The following OXR1 variants were observed in gnomAD, a reference collection of about 807,000 sequenced individuals.
The protein encoded by OXR1 is oxidation resistance protein 1.
In OXR1, 41 loss-of-function variants were observed where a neutral mutation model predicts 104.6. The ratio of observed to expected loss-of-function variants is 0.39; its 90% CI spans 0.31 to 0.51. The LOEUF (loss-of-function observed/expected upper bound fraction) is 0.51. OXR1 is among the 20% of genes least tolerant of loss of function. The pLI is 0.77. For synonymous variants in OXR1, 348 were observed against 348.4 expected, an observed-to-expected ratio of 1.00 and a Z score of 0.01; for missense variants, 955 against 1,031.9, an observed-to-expected ratio of 0.93 and a Z score of 1.02.
In OXR1 at chr8:106,391,587, T is replaced by C. The variant is rs191090026; in HGVS notation, c.23+31951T>C. On this transcript the variant is annotated intron_variant, in intron 2 of 16. Transcript: ENST00000517566. Reference sequence around the variant, plus strand: ...ATTTCAAGTCTGTGTCCCTTTAGTTTTTTTATATACCACAACAAATGTTTT... The same window carrying C: ...ATTTCAAGTCTGTGTCCCTTTAGTTCTTTTATATACCACAACAAATGTTTT... 2.4e-4 allele frequency among the ~76,000 whole-genome samples: 37 copies of C among 152,298 alleles called. 1 individual carries two copies. Among genetic ancestry groups the C allele is most frequent in the Admixed American group, 2.3e-3 (35 of 15,288 alleles).
intron 3 of OXR1, among the ~76,000 whole-genome samples, chr8:106,544,825 A>G (rs1374803123): frequency 6.6e-6 from 1 of 151,426 alleles, no homozygotes; most frequent in Non-Finnish European, 1.5e-5. Flanking sequence ...TATTATAAGA[A>G]CCTTCACAAT....
At chr8:106,548,637 A>G (rs932639657) in intron 3 of OXR1, among the ~76,000 whole-genome samples, 2 of 152,212 alleles carry the variant, frequency 1.3e-5, no homozygotes, top group African/African-American at 2.4e-5. Flanking sequence ...TCAACAATAA[A>G]TTATAAGCAG....
chr8:106,339,511 AAAAAAAAAATATATATAT>A (rs1353369397), intron 1 of OXR1, among the ~76,000 whole-genome samples: 5 of 43,082 alleles, frequency 1.2e-4, no homozygotes, highest in African/African-American at 3.1e-4. Flanking sequence ...AAAAAAAAAA[AAAAAAAAAATATATATAT>A]ATATATATAT....
At chr8:106,746,724 T>C (rs1254661449) in intron 16 of OXR1, among the ~76,000 whole-genome samples, 1 of 152,198 alleles carries the variant, frequency 6.6e-6, no homozygotes, top group Non-Finnish European at 1.5e-5. Context: ...ATCATGGTTA[T>C]TGTAGCCTTC....
intron 1 of OXR1, among the ~76,000 whole-genome samples, chr8:106,335,106 T>C (rs946299289): frequency 1.3e-5 from 2 of 150,642 alleles, no homozygotes; most frequent in Non-Finnish European, 3.0e-5. Flanking sequence ...AAACATGCCA[T>C]TCTCTCTCTC....
At chr8:106,679,007 A>G (rs1409873359) in intron 3 of OXR1, among the ~76,000 whole-genome samples, 8 of 151,970 alleles carry the variant, frequency 5.3e-5, no homozygotes, top group Non-Finnish European at 1.0e-4. Context: ...ATTGGTTCAT[A>G]CTAGTTAAGT....
At chr8:106,730,420 C>G (rs1025867085) in intron 11 of OXR1, among the ~76,000 whole-genome samples, 14 of 151,798 alleles carry the variant, frequency 9.2e-5, no homozygotes, top group Non-Finnish European at 2.1e-4. Flanking sequence ...GAACACCTGG[C>G]ACCCACCGGT....
chr8:106,697,229 A>T (rs1468975074), intron 7 of OXR1, among the ~76,000 whole-genome samples: 2 of 152,070 alleles, frequency 1.3e-5, no homozygotes, highest in Non-Finnish European at 2.9e-5. Flanking sequence ...GGGTATGGGG[A>T]AGGGAATGTA....
intron 12 of OXR1, among the ~76,000 whole-genome samples, 156 bp from the exon 13 acceptor site, chr8:106,739,302 A>T (rs1332020907): frequency 6.6e-6 from 1 of 152,192 alleles, no homozygotes; most frequent in Non-Finnish European, 1.5e-5. Context: ...CATCATAGAT[A>T]TTAGATATGG....
chr8:106,449,524 G>A (rs1362541783), intron 2 of OXR1, among the ~76,000 whole-genome samples: 1 of 152,080 alleles, frequency 6.6e-6, no homozygotes, highest in East Asian at 1.9e-4. Flanking sequence ...TGCAAAGTTT[G>A]TATTGTTATA....
chr8:106,626,873 AT>A (rs1169447393), intron 3 of OXR1, among the ~76,000 whole-genome samples: 1 of 151,558 alleles, frequency 6.6e-6, no homozygotes, highest in African/African-American at 2.4e-5. Context: ...CATGATTTTA[AT>A]GTGCTCAATA....
intron 2 of OXR1, among the ~76,000 whole-genome samples, chr8:106,413,255 C>T (rs1818534895): frequency 6.6e-6 from 1 of 152,024 alleles, no homozygotes; most frequent in East Asian, 1.9e-4. Context: ...TGAACATAGT[C>T]ATTTGCTGTA....
At chr8:106,344,161 G>A (rs949166878) in intron 1 of OXR1, among the ~76,000 whole-genome samples, 2 of 152,102 alleles carry the variant, frequency 1.3e-5, no homozygotes, top group Non-Finnish European at 2.9e-5. Context: ...AAATGGGTGG[G>A]GTTCCCTGGT....
chr8:106,710,801 C>A lies in OXR1; in HGVS notation c.1793+11C>A. The A allele has an allele frequency of 6.8e-7, 1 of 1,460,206 alleles. No individual in the cohort carries two copies. The highest frequency in any genetic ancestry group is 9.1e-7 in the Non-Finnish European group (1 of 1,096,112). 90.5% of individuals were successfully genotyped at this position (1,460,206 alleles called of 1,614,324 possible). A position where few individuals can be genotyped will look rare whatever the true frequency, so the allele number is the denominator to read the frequency against. ...TGTGCCACAAGAAAGGTAAAAAACCCATACGACACCTTGAGAGCATTATTG... is the reference window on the plus strand; with the variant it reads ...TGTGCCACAAGAAAGGTAAAAAACCAATACGACACCTTGAGAGCATTATTG... On this transcript the variant is annotated intron_variant, in intron 10 of 16. Coordinates refer to ENST00000517566, the MANE Select transcript of OXR1 (RefSeq NM_001198533.2).
intron 11 of OXR1, among the ~76,000 whole-genome samples, chr8:106,730,290 A>G (rs1165340921): frequency 6.6e-6 from 1 of 152,104 alleles, no homozygotes; most frequent in African/African-American, 2.4e-5. Context: ...TGAGTTGTAT[A>G]TTCTGTGGGT....
intron 2 of OXR1, among the ~76,000 whole-genome samples, chr8:106,421,366 A>G (rs1456468298): frequency 6.6e-6 from 1 of 152,194 alleles, no homozygotes; most frequent in Non-Finnish European, 1.5e-5. Context: ...AATGCATCAA[A>G]CTGCCCTAGA....
chr8:106,488,447 T>C (rs1334012043), intron 2 of OXR1, among the ~76,000 whole-genome samples: 2 of 151,348 alleles, frequency 1.3e-5, no homozygotes, highest in East Asian at 1.9e-4. Context: ...ATTTGTCAAT[T>C]TTGTCTTTTG....
At chr8:106,634,190 G>A (rs180779617) in intron 3 of OXR1, among the ~76,000 whole-genome samples, 4 of 152,216 alleles carry the variant, frequency 2.6e-5, no homozygotes, top group Non-Finnish European at 5.9e-5. Flanking sequence ...CCAGTATAAC[G>A]TGAAAGGCAA....
At chr8:106,588,769 G>A (rs952242513) in intron 3 of OXR1, among the ~76,000 whole-genome samples, 9 of 152,102 alleles carry the variant, frequency 5.9e-5, no homozygotes, top group South Asian at 2.1e-4. Context: ...ATGAGCCACC[G>A]CGCCCAGCCT....
Sources: gnomAD v4.1 joint callset for allele counts (sites outside exome capture counted in the v4.1 genomes callset) on GRCh38, gnomAD v4.1.1 for gene constraint, MANE v1.5 for transcripts, NCBI Gene and HGNC (gene_info 2026-07-23, HGNC 2026-07-21) for gene names.